Variants in ITGA2 observed in about 807,000 individuals in gnomAD.
ITGA2 encodes the protein integrin subunit alpha 2.
A neutral mutation model predicts 146.3 loss-of-function variants in ITGA2; 101 were observed. The observed-to-expected ratio is 0.69, with a 90% CI of 0.59 to 0.81. The LOEUF is 0.81. ITGA2 is among the 40% of genes least tolerant of loss of function. The pLI, the probability that ITGA2 is intolerant of heterozygous loss-of-function variation, is 0.00. For missense variants in ITGA2, 1,281 were observed against 1,402.7 expected, an observed-to-expected ratio of 0.91 and a Z score of 1.39; for synonymous variants, 477 against 487.1, an observed-to-expected ratio of 0.98 and a Z score of 0.27.
At chr5:53,029,890 G>C (rs942335702) in intron 2 of ITGA2, among the ~76,000 whole-genome samples, 1 of 152,220 alleles carries the variant, frequency 6.6e-6, no homozygotes, top group South Asian at 2.1e-4. Context: ...TGAGCTGAAA[G>C]GGAGCTTCAG....
At chr5:53,059,819 T>C in intron 10 of ITGA2, 55 bp from the exon 11 acceptor site, 1 of 1,550,964 alleles carries the variant, frequency 6.4e-7, no homozygotes, top group Non-Finnish European at 8.9e-7. Flanking sequence ...TACCCTGCAT[T>C]CTTATGTTTT....
At chr5:53,086,301 T>C (rs1746154396) in intron 27 of ITGA2, among the ~76,000 whole-genome samples, 1 of 152,206 alleles carries the variant, frequency 6.6e-6, no homozygotes, top group South Asian at 2.1e-4. Flanking sequence ...TAAAATATCC[T>C]TCCTATATAC....
intron 3 of ITGA2, 34 bp from the exon 4 acceptor site, chr5:53,044,967 T>A: frequency 6.7e-7 from 1 of 1,498,200 alleles, no homozygotes; most frequent in Non-Finnish European, 9.3e-7. Flanking sequence ...GAGGAATTTT[T>A]AATCACTTTT....
At chr5:53,065,644 G>A (rs903831312) in intron 14 of ITGA2, among the ~76,000 whole-genome samples, 197 bp from the exon 15 acceptor site, 3 of 151,830 alleles carry the variant, frequency 2.0e-5, no homozygotes, top group East Asian at 1.9e-4. Flanking sequence ...CTGTCCCTTC[G>A]ATGAAAATGT....
chr5:53,039,969 G>A (rs1464135111), intron 2 of ITGA2, among the ~76,000 whole-genome samples: 1 of 151,884 alleles, frequency 6.6e-6, no homozygotes, highest in Non-Finnish European at 1.5e-5. Context: ...CAGTAGGAAG[G>A]CAGCTATGGG....
chr5:53,052,398 C>G (rs1001417014), intron 7 of ITGA2, among the ~76,000 whole-genome samples: 8 of 151,986 alleles, frequency 5.3e-5, no homozygotes. Context: ...GTTTCCAGCT[C>G]CATCCATGTC....
intron 29 of ITGA2, among the ~76,000 whole-genome samples, chr5:53,090,304 CT>C (rs1269746052): frequency 6.6e-6 from 1 of 152,140 alleles, no homozygotes; most frequent in Non-Finnish European, 1.5e-5. Context: ...TAAGTAGACG[CT>C]GAAAAATGTA....
At chr5:53,001,420 A>G (rs781585838) in intron 1 of ITGA2, among the ~76,000 whole-genome samples, 9 of 152,162 alleles carry the variant, frequency 5.9e-5, no homozygotes, top group Admixed American at 3.9e-4. Context: ...TACGGTTCAC[A>G]TGTCATGTAA....
At chr5:53,045,576 G>A (rs1744035473) in intron 4 of ITGA2, among the ~76,000 whole-genome samples, 1 of 152,116 alleles carries the variant, frequency 6.6e-6, no homozygotes, top group South Asian at 2.1e-4. Flanking sequence ...ACTAATCAGT[G>A]AAATAGAATG....
At chr5:53,065,775 C>A in intron 14 of ITGA2, 66 bp from the exon 15 acceptor site, 2 of 1,604,940 alleles carry the variant, frequency 1.2e-6, no homozygotes, top group Non-Finnish European at 1.7e-6. Flanking sequence ...TAATGAAATT[C>A]AGAGGCTGCC....
chr5:53,081,718 A>G, intron 26 of ITGA2, 22 bp downstream of exon 26: 1 of 1,480,122 alleles, frequency 6.8e-7, no homozygotes, highest in Non-Finnish European at 9.4e-7. Context: ...TTAACGTGTG[A>G]AAGCTCCCCT....
intron 13 of ITGA2, among the ~76,000 whole-genome samples, chr5:53,063,984 A>G (rs3212551): frequency 0.053 from 8,073 of 151,984 alleles, 733 homozygotes; most frequent in African/African-American, 0.19. Context: ...ACCCAGTTTC[A>G]TGGTTGAGAA....
At chr5:53,078,933 A>T in intron 24 of ITGA2, 59 bp downstream of exon 24, 1 of 950,338 alleles carries the variant, frequency 1.1e-6, no homozygotes, top group Non-Finnish European at 1.7e-6. Context: ...AAAAAAAATG[A>T]GTCTGGAAAT....
intron 1 of ITGA2, among the ~76,000 whole-genome samples, chr5:53,023,927 T>C (rs942664926): frequency 2.0e-5 from 3 of 152,226 alleles, no homozygotes. Context: ...TGTCCAGATT[T>C]ATCAAAAGAG....
chr5:52,989,618 G>A (rs1217169198), intron 1 of ITGA2, 86 bp downstream of exon 1: 1 of 1,445,190 alleles, frequency 6.9e-7, no homozygotes, highest in African/African-American at 1.4e-5. Flanking sequence ...GCGGAACTAG[G>A]GAGCGAGCTC....
At chr5:53,001,996 C>A (rs1213100564) in intron 1 of ITGA2, among the ~76,000 whole-genome samples, 1 of 151,946 alleles carries the variant, frequency 6.6e-6, no homozygotes. Flanking sequence ...ATAACAAAGT[C>A]TTTTATTGCC....
At chr5:53,029,365 T>C (rs1048072940) in intron 2 of ITGA2, among the ~76,000 whole-genome samples, 1 of 152,212 alleles carries the variant, frequency 6.6e-6, no homozygotes, top group African/African-American at 2.4e-5. Context: ...TATTATCATC[T>C]TTTACACCTT....
chr5:53,025,347 G>A (rs745767413), intron 1 of ITGA2, among the ~76,000 whole-genome samples: 1 of 152,158 alleles, frequency 6.6e-6, no homozygotes, highest in Non-Finnish European at 1.5e-5. Context: ...AGATGTTAAG[G>A]AGAAAATTTG....
intron 1 of ITGA2, among the ~76,000 whole-genome samples, chr5:52,993,518 G>A (rs1281594541): frequency 3.3e-5 from 5 of 152,152 alleles, no homozygotes; most frequent in Admixed American, 3.3e-4. Flanking sequence ...TGATCACCAA[G>A]ACAGGTAGAT....
Sources: allele counts gnomAD v4.1 joint callset (sites outside exome capture counted in the v4.1 genomes callset), GRCh38; gene constraint gnomAD v4.1.1; transcripts MANE v1.5; gene names NCBI Gene and HGNC (gene_info 2026-07-23, HGNC 2026-07-21).